RBFOX1: variants seen among roughly 807,000 people sequenced by gnomAD.
RBFOX1 encodes RNA binding protein fox-1 homolog 1.
A neutral mutation model predicts 57.7 loss-of-function variants in RBFOX1; 8 were observed. That is an observed-to-expected ratio of 0.14 (90% confidence interval 0.08 to 0.25). The LOEUF (loss-of-function observed/expected upper bound fraction) is 0.25, where lower values mean the gene tolerates loss of function less well. Ranked by LOEUF, RBFOX1 falls within the 10% of genes least tolerant of loss-of-function variation. The probability of loss-of-function intolerance (pLI) is 1.00; values close to 1 mark genes in which losing one functional copy is unlikely to be tolerated. For synonymous variants in RBFOX1, 326 were observed against 222.4 expected (o/e 1.47, Z -4.15); for missense variants, 611 against 548.5 (o/e 1.11, Z -1.14).
rs979499993 is a variant in RBFOX1 at position 5,460,088 on chromosome 16, GAGTGTAAAGTCGGCATGTTTTT to G, written c.220-7090_220-7069del. ...GATGGGGAGACAGGTAAGGAGCTAG[GAGTGTAAAGTCGGCATGTTTTT>G]AGTGTAAAGTCGGCATGTTTTTAGT... On this transcript the variant is annotated intron_variant, in intron 1 of 2. Transcript: ENST00000585867. Among the ~76,000 whole-genome samples, 93 of 152,258 alleles carry G rather than the reference GAGTGTAAAGTCGGCATGTTTTT, an allele frequency of 6.1e-4. No individual in the cohort carries two copies. In the Middle Eastern group the frequency reaches 0.014, roughly 22 times the overall value.
At chr16:6,523,213 T>A (rs2096532679) in intron 2 of RBFOX1, among the ~76,000 whole-genome samples, 1 of 151,766 alleles carries the variant, frequency 6.6e-6, no homozygotes, top group Non-Finnish European at 1.5e-5. Flanking sequence ...GAGGAATATC[T>A]GATAAAGAGC....
chr16:6,803,996 C>G (rs1182227689), intron 3 of RBFOX1, among the ~76,000 whole-genome samples: 1 of 151,598 alleles, frequency 6.6e-6, no homozygotes, highest in Non-Finnish European at 1.5e-5. Context: ...CTGTATAGTA[C>G]ATAAAACTCA....
intron 3 of RBFOX1, among the ~76,000 whole-genome samples, chr16:5,755,838 T>C (rs1282699506): frequency 1.3e-5 from 2 of 152,108 alleles, no homozygotes; most frequent in African/African-American, 4.8e-5. Context: ...CCTCAGGTGA[T>C]CCGCCTGCCT....
intron 1 of RBFOX1, among the ~76,000 whole-genome samples, chr16:5,336,046 C>G (rs530999068): frequency 1.3e-5 from 2 of 152,238 alleles, no homozygotes; most frequent in South Asian, 4.1e-4. Context: ...GTGACTTCCT[C>G]AAGGTACCAT....
At chr16:7,551,916 C>T (rs1472939983) in intron 5 of RBFOX1, among the ~76,000 whole-genome samples, 5 of 152,074 alleles carry the variant, frequency 3.3e-5, no homozygotes, top group Non-Finnish European at 7.4e-5. Context: ...AAAGAACAGC[C>T]CATCATTTAT....
At chr16:7,363,611 C>G (rs1302375364) in intron 4 of RBFOX1, among the ~76,000 whole-genome samples, 1 of 152,112 alleles carries the variant, frequency 6.6e-6, no homozygotes, top group Non-Finnish European at 1.5e-5. Flanking sequence ...GGGGAAAGGT[C>G]ATCATGAGTT....
chr16:6,206,075 C>T (rs888559486), intron 1 of RBFOX1, among the ~76,000 whole-genome samples: 12 of 151,886 alleles, frequency 7.9e-5, no homozygotes, highest in African/African-American at 1.7e-4. Flanking sequence ...GAAAAGTATT[C>T]AGAAATTGAT....
At chr16:5,963,437 A>G (rs1034060752) in intron 4 of RBFOX1, among the ~76,000 whole-genome samples, 3 of 152,244 alleles carry the variant, frequency 2.0e-5, no homozygotes, top group African/African-American at 7.2e-5. Flanking sequence ...GGAACAACAG[A>G]TGTTGAATCT....
chr16:5,281,261 C>G (rs1420686795), intron 1 of RBFOX1, among the ~76,000 whole-genome samples: 1 of 152,114 alleles, frequency 6.6e-6, no homozygotes, highest in African/African-American at 2.4e-5. Context: ...TTATTGATTT[C>G]AAGTTTTATT....
chr16:6,178,827 A>C (rs573522734), intron 1 of RBFOX1, among the ~76,000 whole-genome samples: 3 of 152,278 alleles, frequency 2.0e-5, no homozygotes, highest in Admixed American at 1.3e-4. Context: ...CCTGTTTTTC[A>C]CTTGCAAATG....
intron 1 of RBFOX1, among the ~76,000 whole-genome samples, chr16:5,349,744 G>C (rs984575622): frequency 1.5e-4 from 23 of 152,318 alleles, no homozygotes; most frequent in African/African-American, 5.5e-4. Flanking sequence ...GCCCCTGAAT[G>C]ATTTGGAAGC....
chr16:7,628,845 T>G (rs2060484788), intron 10 of RBFOX1, among the ~76,000 whole-genome samples: 1 of 152,074 alleles, frequency 6.6e-6, no homozygotes, highest in African/African-American at 2.4e-5. Flanking sequence ...ACTCCTAACC[T>G]CAGGTGATCT....
intron 2 of RBFOX1, among the ~76,000 whole-genome samples, chr16:6,518,469 C>G (rs1218027841): frequency 6.6e-6 from 1 of 152,078 alleles, no homozygotes; most frequent in Non-Finnish European, 1.5e-5. Flanking sequence ...TTCTATTATA[C>G]AGATGGGCAC....
intron 3 of RBFOX1, among the ~76,000 whole-genome samples, chr16:5,652,862 C>G (rs1371452908): frequency 6.6e-6 from 1 of 152,226 alleles, no homozygotes; most frequent in Non-Finnish European, 1.5e-5. Flanking sequence ...ACTGCCAGGA[C>G]TCAGGGGTCA....
At chr16:6,536,799 G>T (rs146942699) in intron 2 of RBFOX1, among the ~76,000 whole-genome samples, 1 of 152,220 alleles carries the variant, frequency 6.6e-6, no homozygotes, top group East Asian at 1.9e-4. Context: ...ACATTGATCT[G>T]TCATGGCCAA....
intron 1 of RBFOX1, among the ~76,000 whole-genome samples, chr16:6,169,033 A>T (rs778526199): frequency 6.6e-6 from 1 of 152,190 alleles, no homozygotes; most frequent in South Asian, 2.1e-4. Context: ...TTCTCATTTC[A>T]TAATGAGCGT....
At chr16:6,969,487 C>G (rs768241741) in intron 3 of RBFOX1, among the ~76,000 whole-genome samples, 1 of 152,018 alleles carries the variant, frequency 6.6e-6, no homozygotes, top group Admixed American at 6.5e-5. Context: ...GTAATCCCAG[C>G]ACTTCAGGAG....
intron 2 of RBFOX1, among the ~76,000 whole-genome samples, chr16:6,533,129 C>G (rs1050914220): frequency 2.6e-5 from 4 of 152,236 alleles, no homozygotes; most frequent in Non-Finnish European, 5.9e-5. Flanking sequence ...GCATTGAAAA[C>G]TGTCAACACC....
At position 6,756,985 on chromosome 16, in the gene RBFOX1, G is replaced by GACAA. The variant is rs142038941; in HGVS notation, c.-16+102361_-16+102364dup. Among the ~76,000 whole-genome samples the GACAA allele has an allele frequency of 4.5e-4, 63 of 140,844 alleles. 1 individual carries two copies. Among genetic ancestry groups the GACAA allele is most frequent in the African/African-American group, 1.6e-3 (55 of 34,668 alleles). 92.4% of individuals were successfully genotyped at this position (140,844 alleles called of 152,430 possible). A position where few individuals can be genotyped will look rare whatever the true frequency, so the allele number is the denominator to read the frequency against. ...GGCGAAACTCCATCTCAAACAAACA[G>GACAA]ACAAACAAACAAACAAACAAACAAA... On this transcript the variant is annotated intron_variant, in intron 3 of 15. Coordinates refer to ENST00000550418, the MANE Select transcript of RBFOX1 (RefSeq NM_018723.4).
Sources: gnomAD v4.1 joint callset for allele counts (sites outside exome capture counted in the v4.1 genomes callset) on GRCh38, gnomAD v4.1.1 for gene constraint, MANE v1.5 for transcripts, NCBI Gene and HGNC (gene_info 2026-07-23, HGNC 2026-07-21) for gene names.